Variants in RYR3 observed in about 807,000 individuals in gnomAD.
The protein encoded by RYR3 is brain ryanodine receptor-calcium release channel.
RYR3 carries 207 observed loss-of-function variants against 584.3 expected under a neutral mutation model. The ratio of observed to expected loss-of-function variants is 0.35; its 90% confidence interval spans 0.32 to 0.40. The LOEUF (loss-of-function observed/expected upper bound fraction) is 0.40, where lower values mean the gene tolerates loss of function less well. Ranked by LOEUF, RYR3 falls within the 10% of genes least tolerant of loss-of-function variation. RYR3 has a pLI of 1.00. For missense variants in RYR3, 5,616 were observed against 6,089.2 expected (o/e 0.92, Z 2.59); for synonymous variants, 2,416 against 2,248.5 (o/e 1.07, Z -2.11).
chr15:33,318,903 T>C (rs1968564947), intron 1 of RYR3, among the ~76,000 whole-genome samples: 1 of 152,204 alleles, frequency 6.6e-6, no homozygotes, highest in South Asian at 2.1e-4. Context: ...TTGTATTCAT[T>C]AACACGTCAC....
At chr15:33,771,845 C>A in intron 62 of RYR3, 75 bp from the exon 63 acceptor site, 3 of 1,013,936 alleles carry the variant, frequency 3.0e-6, no homozygotes, top group South Asian at 1.4e-5. Flanking sequence ...GCCCAGATGA[C>A]ACTGCCAGTT....
chr15:33,326,214 A>T (rs1008306675), intron 1 of RYR3, among the ~76,000 whole-genome samples: 1 of 152,176 alleles, frequency 6.6e-6, no homozygotes, highest in African/African-American at 2.4e-5. Context: ...GGCATTATAG[A>T]TAGGAAAAGA....
At chr15:33,483,125 C>A (rs768559086) in intron 2 of RYR3, among the ~76,000 whole-genome samples, 14 of 151,890 alleles carry the variant, frequency 9.2e-5, no homozygotes, top group Non-Finnish European at 1.5e-4. Context: ...TTGTTTATTT[C>A]TAAGGTTTCT....
chr15:33,750,871 T>TTG (rs2071221697), intron 57 of RYR3, among the ~76,000 whole-genome samples: 1 of 152,036 alleles, frequency 6.6e-6, no homozygotes, highest in Non-Finnish European at 1.5e-5. Context: ...ATCCCTCCCC[T>TTG]ACCCCCACAA....
intron 20 of RYR3, 72 bp from the exon 21 acceptor site, chr15:33,628,399 T>C (rs542371086): frequency 1.9e-6 from 2 of 1,052,758 alleles, no homozygotes; most frequent in African/African-American, 1.6e-5. Flanking sequence ...TCAAGTGGGG[T>C]GCCCAGCTCC....
At chr15:33,779,689 A>G (rs1435713480) in intron 64 of RYR3, among the ~76,000 whole-genome samples, 1 of 152,140 alleles carries the variant, frequency 6.6e-6, no homozygotes, top group Admixed American at 6.5e-5. Flanking sequence ...ACAGTGTGTT[A>G]TATCATCTTA....
At chr15:33,435,972 AATTTTACAGAGTTCTGATTGGTCC>A (rs71117139) in intron 1 of RYR3, among the ~76,000 whole-genome samples, 9,291 of 151,944 alleles carry the variant, frequency 0.061, 364 homozygotes, top group Non-Finnish European at 0.092. Flanking sequence ...CTGATTCGTC[AATTTTACAGAGTTCTGATTGGTCC>A]ATTTTACAGA....
At chr15:33,621,139 A>AT (rs71415526) in intron 19 of RYR3, among the ~76,000 whole-genome samples, 52,701 of 152,108 alleles carry the variant, frequency 0.35, 10,518 homozygotes, top group Non-Finnish European at 0.45. Flanking sequence ...TATCCAGCAG[A>AT]TTTTAAAACC....
chr15:33,566,898 A>G (rs2057746609), intron 12 of RYR3, 99 bp downstream of exon 12: 6 of 1,322,580 alleles, frequency 4.5e-6, no homozygotes, highest in South Asian at 1.3e-5. Flanking sequence ...GTTTTCAGGA[A>G]ATAATGATAC....
chr15:33,735,561 G>T (rs2069378515), intron 48 of RYR3, among the ~76,000 whole-genome samples: 1 of 152,086 alleles, frequency 6.6e-6, no homozygotes, highest in Non-Finnish European at 1.5e-5. Flanking sequence ...AAAACCATAG[G>T]TTCCACTAGG....
At chr15:33,462,880 T>C (rs2596159) in intron 1 of RYR3, among the ~76,000 whole-genome samples, 88,012 of 151,968 alleles carry the variant, frequency 0.58, 26,110 homozygotes, top group African/African-American at 0.73. Flanking sequence ...CATATGTCCT[T>C]CTTCAAATAA....
chr15:33,664,100 C>G (rs968739440), intron 36 of RYR3, among the ~76,000 whole-genome samples: 1 of 152,152 alleles, frequency 6.6e-6, no homozygotes, highest in Admixed American at 6.5e-5. Flanking sequence ...AAGTCACTAC[C>G]TGTCTATCAG....
At chr15:33,750,747 A>G in intron 57 of RYR3, among the ~76,000 whole-genome samples, 1 of 152,174 alleles carries the variant, frequency 6.6e-6, no homozygotes, top group East Asian at 1.9e-4. Flanking sequence ...TTATTATTTA[A>G]GTTCTGGAGT....
At chr15:33,850,951 ATATTTTGAC>A (rs771960261) in intron 94 of RYR3, 4 of 152,184 alleles carry the variant, frequency 2.6e-5, no homozygotes, top group African/African-American at 4.8e-5. Flanking sequence ...GTCCCTAAAT[ATATTTTGAC>A]TATTTTGACT....
chr15:33,335,920 AAAACCTAAAGAAT>A lies in RYR3; in HGVS notation c.51+24837_51+24849del, dbSNP rs565285022. ...ACCATCTAACATAAGATCTTAATTT[AAAACCTAAAGAAT>A]AAACCTAAAGAAAGGAACAGAAAGG... On this transcript the variant is annotated intron_variant, in intron 1 of 103. Transcript: ENST00000634891. Among the ~76,000 whole-genome samples, 37 of 152,308 alleles carry A rather than the reference AAAACCTAAAGAAT, an allele frequency of 2.4e-4. 1 individual carries two copies. The highest frequency in any genetic ancestry group is 2.2e-3 in the Admixed American group (34 of 15,308).
chr15:33,661,326 G>A (rs2063149201), intron 34 of RYR3, among the ~76,000 whole-genome samples: 1 of 152,214 alleles, frequency 6.6e-6, no homozygotes, highest in African/African-American at 2.4e-5. Context: ...ACTGGATAAT[G>A]TTAATTGGTT....
intron 1 of RYR3, among the ~76,000 whole-genome samples, chr15:33,356,319 G>C (rs936080368): frequency 7.2e-5 from 11 of 152,126 alleles, no homozygotes; most frequent in African/African-American, 2.7e-4. Flanking sequence ...GAAGTATGCT[G>C]GTGTGCTTTG....
intron 3 of RYR3, among the ~76,000 whole-genome samples, chr15:33,518,459 G>A (rs1265856309): frequency 2.0e-5 from 3 of 151,734 alleles, no homozygotes; most frequent in African/African-American, 7.3e-5. Context: ...TGAGCTGGCC[G>A]CTCCCCCTCC....
chr15:33,597,753 G>A (rs2467557), intron 16 of RYR3, among the ~76,000 whole-genome samples: 68,738 of 151,818 alleles, frequency 0.45, 16,078 homozygotes, highest in East Asian at 0.79. Context: ...TTAGTATATA[G>A]TTTAAGAGCT....
Sources: gnomAD v4.1 joint callset for allele counts (sites outside exome capture counted in the v4.1 genomes callset) on GRCh38, gnomAD v4.1.1 for gene constraint, MANE v1.5 for transcripts, NCBI Gene and HGNC (gene_info 2026-07-23, HGNC 2026-07-21) for gene names.